Variants in MYO1D observed in about 807,000 individuals in gnomAD.
MYO1D encodes the protein unconventional myosin-Id.
A neutral mutation model predicts 122.0 loss-of-function variants in MYO1D; 83 were observed. The ratio of observed to expected loss-of-function variants is 0.68; its 90% CI spans 0.57 to 0.82. The LOEUF (loss-of-function observed/expected upper bound fraction) is 0.82. Among genes scored for constraint, MYO1D ranks in the 40% least tolerant of loss-of-function variants. The pLI, the probability that MYO1D is intolerant of heterozygous loss-of-function variation, is 0.00. For missense variants in MYO1D, 1,157 were observed against 1,269.5 expected, an observed-to-expected ratio of 0.91 and a Z score of 1.35; for synonymous variants, 464 against 446.9, an observed-to-expected ratio of 1.04 and a Z score of -0.48.
In MYO1D at chr17:32,654,347, T is replaced by G. The variant is rs140696592; in HGVS notation, c.2490+130A>C. Reference sequence around the variant, plus strand: ...GTACATTTAGAAGCAATAAAATGTTTTAGTATCTCATAGAAATTATTTAGT... The same window carrying G: ...GTACATTTAGAAGCAATAAAATGTTGTAGTATCTCATAGAAATTATTTAGT... On this transcript the variant is annotated intron_variant, in intron 18 of 21. Transcript: ENST00000318217. The G allele has an allele frequency of 9.0e-4, 915 of 1,018,380 alleles. 8 individuals are homozygous for G. In the African/African-American group the frequency reaches 0.013, roughly 14 times the overall value. 63.1% of individuals were successfully genotyped at this position (1,018,380 alleles called of 1,614,324 possible).
At chr17:32,612,938 T>C (rs2087722102) in intron 20 of MYO1D, among the ~76,000 whole-genome samples, 1 of 151,826 alleles carries the variant, frequency 6.6e-6, no homozygotes, top group African/African-American at 2.4e-5. Flanking sequence ...CCGGCTAGTT[T>C]TTGTATTTTC....
chr17:32,755,555 A>T lies in MYO1D; in HGVS notation c.1404T>A (p.Asp468Glu). 2 of 1,614,038 alleles carry T rather than the reference A, an allele frequency of 1.2e-6. No individual in the cohort carries two copies. Among genetic ancestry groups the T allele is most frequent in the Non-Finnish European group, 8.5e-7 (1 of 1,179,906 alleles). Residue 468 changes from aspartate to glutamate, a missense_variant, in exon 11 of 22, where the codon GAT becomes GAA. Physicochemically the swap from Asp to Glu is conservative, Grantham distance 45. Transcript: ENST00000318217. ...TGTTAAGTGCTTCAAGAAACATTTCATCGGTGACTTTGCCGACATTCATGC... is the reference window on the plus strand; with the variant it reads ...TGTTAAGTGCTTCAAGAAACATTTCTTCGGTGACTTTGCCGACATTCATGC... ...DACMNVGKVTDEMFLEALNSK... is the reference protein window; with the variant it reads ...DACMNVGKVTEEMFLEALNSK...
intron 8 of MYO1D, among the ~76,000 whole-genome samples, chr17:32,761,890 T>C (rs942951658): frequency 6.6e-6 from 1 of 152,112 alleles, no homozygotes. Context: ...TGAATACTTA[T>C]TATATATAGT....
At chr17:32,766,662 G>C (rs1357152609) in intron 7 of MYO1D, among the ~76,000 whole-genome samples, 7 of 152,106 alleles carry the variant, frequency 4.6e-5, no homozygotes, top group Admixed American at 4.6e-4. Flanking sequence ...CGTGGTGGCA[G>C]GCGCCTGTAG....
intron 1 of MYO1D, among the ~76,000 whole-genome samples, chr17:32,816,302 T>C (rs1031647528): frequency 6.6e-6 from 1 of 152,126 alleles, no homozygotes; most frequent in African/African-American, 2.4e-5. Flanking sequence ...TAACACTGTA[T>C]TAAACATGAG....
At chr17:32,782,934 T>A (rs867862542) in intron 1 of MYO1D, among the ~76,000 whole-genome samples, 1 of 147,178 alleles carries the variant, frequency 6.8e-6, no homozygotes, top group African/African-American at 2.5e-5. Context: ...GACTCCATCT[T>A]AAAAAAAAAA....
In MYO1D at chr17:32,743,296, C is replaced by T. The variant is rs150898856; in HGVS notation, c.1613+1915G>A. 3.8e-3 allele frequency among the ~76,000 whole-genome samples: 573 copies of T among 152,264 alleles called. 2 individuals carry two copies. Among genetic ancestry groups the T allele is most frequent in the African/African-American group, 0.013 (551 of 41,544 alleles). The stretch of plus-strand genomic sequence containing the variant: ...TGACTGTGAATTTATATCTCTAGCC[C>T]CACCTTTCCCCTGAGATTCAGATGC... On this transcript the variant is annotated intron_variant, in intron 13 of 21. Transcript: ENST00000318217.
At chr17:32,623,310 G>A (rs577795756) in intron 20 of MYO1D, among the ~76,000 whole-genome samples, 2 of 152,222 alleles carry the variant, frequency 1.3e-5, no homozygotes, top group South Asian at 2.1e-4. Context: ...GAACTTCATC[G>A]TAACAATTCT....
intron 21 of MYO1D, among the ~76,000 whole-genome samples, chr17:32,504,075 A>G (rs1293350410): frequency 6.6e-6 from 1 of 152,134 alleles, no homozygotes; most frequent in Non-Finnish European, 1.5e-5. Flanking sequence ...GGGCAAAACC[A>G]TTTGTATTTG....
chr17:32,560,528 CATAT>C (rs56214129), intron 21 of MYO1D, among the ~76,000 whole-genome samples: 1,443 of 64,794 alleles, frequency 0.022, 87 homozygotes, highest in Admixed American at 0.03. Flanking sequence ...CCAGAGACAA[CATAT>C]ATATATATAT....
intron 21 of MYO1D, among the ~76,000 whole-genome samples, chr17:32,566,407 G>A (rs973750958): frequency 1.5e-4 from 23 of 152,116 alleles, no homozygotes; most frequent in African/African-American, 4.6e-4. Flanking sequence ...CACAGGGCAC[G>A]GCACCGGAGC....
intron 1 of MYO1D, among the ~76,000 whole-genome samples, chr17:32,842,780 G>A (rs901793265): frequency 2.6e-5 from 4 of 151,970 alleles, no homozygotes; most frequent in Non-Finnish European, 4.4e-5. Flanking sequence ...TTTCTTCTAG[G>A]AAAGTCTCTA....
chr17:32,629,827 C>CT (rs1241695674), intron 20 of MYO1D, among the ~76,000 whole-genome samples: 5 of 151,710 alleles, frequency 3.3e-5, no homozygotes, highest in Non-Finnish European at 7.4e-5. Context: ...GTGTGTAAGA[C>CT]TAAAGGGAAA....
chr17:32,528,756 A>G (rs1360407684), intron 21 of MYO1D, among the ~76,000 whole-genome samples: 1 of 152,162 alleles, frequency 6.6e-6, no homozygotes, highest in Non-Finnish European at 1.5e-5. Context: ...GGAGGCACAG[A>G]TCAGGGTGAA....
chr17:32,636,778 C>T (rs1351288976), intron 20 of MYO1D, among the ~76,000 whole-genome samples: 3 of 152,218 alleles, frequency 2.0e-5, no homozygotes, highest in Non-Finnish European at 4.4e-5. Context: ...ACTTATCACA[C>T]AATGAGTGCC....
chr17:32,644,349 T>C (rs1045766179), intron 19 of MYO1D, among the ~76,000 whole-genome samples: 21 of 152,198 alleles, frequency 1.4e-4, no homozygotes, highest in Admixed American at 6.6e-4. Flanking sequence ...TGGTCACTTT[T>C]GGAATAAGTG....
At chr17:32,653,294 TG>T (rs2088423344) in intron 19 of MYO1D, among the ~76,000 whole-genome samples, 1 of 151,796 alleles carries the variant, frequency 6.6e-6, no homozygotes. Flanking sequence ...CTAGTTTTTT[TG>T]TTTTTTTTTT....
chr17:32,721,047 T>C lies in MYO1D; in HGVS notation c.1889A>G (p.Gln630Arg). 1.9e-6 allele frequency: 3 copies of C among 1,614,182 alleles called. No individual in the cohort carries two copies. The highest frequency in any genetic ancestry group is 2.5e-6 in the Non-Finnish European group (3 of 1,180,016). ...RVRRAGFAFR[Q>R]TYEKFLHRYK... is the part of the protein sequence containing the mutation. ...CCTGTGAAGAAACTTCTCGTATGTC[T>C]GGCGGAAGGCAAATCCTGCCCGACG... The change falls in exon 15 of 22, where the codon CAG (glutamine) becomes CGG (arginine). Residue 630 changes from glutamine to arginine, a missense_variant. Coordinates refer to ENST00000318217, the MANE Select transcript of MYO1D (RefSeq NM_015194.3).
intron 1 of MYO1D, among the ~76,000 whole-genome samples, chr17:32,829,708 C>G (rs1242425365): frequency 6.6e-6 from 1 of 152,202 alleles, no homozygotes; most frequent in Non-Finnish European, 1.5e-5. Context: ...CCCACCTCGG[C>G]CTCCCAAAGT....
Sources: allele counts gnomAD v4.1 joint callset (sites outside exome capture counted in the v4.1 genomes callset), GRCh38; gene constraint gnomAD v4.1.1; transcripts MANE v1.5; gene names NCBI Gene and HGNC (gene_info 2026-07-23, HGNC 2026-07-21).